The following SLC24A2 variants were observed in gnomAD, a reference collection of about 807,000 sequenced individuals.
SLC24A2 encodes sodium/potassium/calcium exchanger 2.
A neutral mutation model predicts 62.0 loss-of-function variants in SLC24A2; 36 were observed. The ratio of observed to expected loss-of-function variants is 0.58; its 90% CI spans 0.44 to 0.77. SLC24A2 has a LOEUF of 0.77. SLC24A2 is among the 30% of genes least tolerant of loss of function. The pLI is 0.00. For missense variants in SLC24A2, 846 were observed against 817.9 expected (o/e 1.03, Z -0.42); for synonymous variants, 358 against 294.0 (o/e 1.22, Z -2.23).
chr9:19,948,654 G>A, the SLC24A2 span, among the ~76,000 whole-genome samples: 1 of 151,624 alleles, frequency 6.6e-6, no homozygotes, highest in Non-Finnish European at 1.5e-5. Flanking sequence ...TCAGGAGATC[G>A]AGACCACGGT....
the SLC24A2 span, among the ~76,000 whole-genome samples, chr9:19,906,196 T>C: frequency 6.6e-6 from 1 of 151,998 alleles, no homozygotes; most frequent in African/African-American, 2.4e-5. Flanking sequence ...CTCAACTACA[T>C]GGAAACTGAA....
intron 8 of SLC24A2, among the ~76,000 whole-genome samples, chr9:19,533,418 C>A (rs528898604): frequency 7.9e-5 from 12 of 152,324 alleles, no homozygotes; most frequent in South Asian, 2.1e-4. Flanking sequence ...GAGGTGAGGT[C>A]TATTTTTCCA....
the SLC24A2 span, among the ~76,000 whole-genome samples, chr9:19,856,621 C>G: frequency 6.6e-6 from 1 of 152,108 alleles, no homozygotes; most frequent in East Asian, 1.9e-4. Context: ...GGAGGTGTCA[C>G]CAGTGGAGGC....
the SLC24A2 span, among the ~76,000 whole-genome samples, chr9:20,117,878 A>G: frequency 6.6e-6 from 1 of 152,172 alleles, no homozygotes. Context: ...AATTTTACAG[A>G]TGAAGAAAGA....
At chr9:19,890,533 T>C in the SLC24A2 span, among the ~76,000 whole-genome samples, 1 of 152,156 alleles carries the variant, frequency 6.6e-6, no homozygotes, top group Non-Finnish European at 1.5e-5. Context: ...GTCAGCATAT[T>C]TATTGGTTGG....
At chr9:19,622,605 T>G (rs958099134) in intron 2 of SLC24A2, among the ~76,000 whole-genome samples, 1 of 152,222 alleles carries the variant, frequency 6.6e-6, no homozygotes, top group East Asian at 1.9e-4. Context: ...TATGTGATCA[T>G]TAAAATGAAT....
At chr9:19,895,557 T>C in the SLC24A2 span, among the ~76,000 whole-genome samples, 1 of 151,578 alleles carries the variant, frequency 6.6e-6, no homozygotes, top group African/African-American at 2.4e-5. Flanking sequence ...TTTTTTTTTT[T>C]TTTTTTACAA....
chr9:20,009,318 G>A, the SLC24A2 span, among the ~76,000 whole-genome samples: 2 of 149,298 alleles, frequency 1.3e-5, no homozygotes, highest in Non-Finnish European at 3.0e-5. Flanking sequence ...CCAGAAGGCA[G>A]AGGTTTTAGT....
chr9:19,780,970 T>C (rs1333658207), intron 2 of SLC24A2, among the ~76,000 whole-genome samples: 1 of 148,624 alleles, frequency 6.7e-6, no homozygotes, highest in Non-Finnish European at 1.5e-5. Context: ...GAAAAAATTC[T>C]AAAAAGAAAC....
chr9:19,522,645 C>G (rs1419950066), intron 9 of SLC24A2, among the ~76,000 whole-genome samples: 1 of 152,136 alleles, frequency 6.6e-6, no homozygotes, highest in African/African-American at 2.4e-5. Flanking sequence ...ATCACTGCTC[C>G]CCATTAGTAA....
intron 2 of SLC24A2, among the ~76,000 whole-genome samples, chr9:19,683,321 G>A (rs1039783563): frequency 5.9e-5 from 9 of 152,162 alleles, no homozygotes; most frequent in African/African-American, 2.2e-4. Flanking sequence ...GAGTGCTACT[G>A]AAGCAAAGGG....
At chr9:20,225,920 C>A in the SLC24A2 span, among the ~76,000 whole-genome samples, 2 of 151,316 alleles carry the variant, frequency 1.3e-5, no homozygotes, top group Non-Finnish European at 2.9e-5. Context: ...TATGTACATA[C>A]ATAGGAAGGA....
At chr9:19,680,396 A>C (rs1317031643) in intron 2 of SLC24A2, among the ~76,000 whole-genome samples, 1 of 152,054 alleles carries the variant, frequency 6.6e-6, no homozygotes, top group African/African-American at 2.4e-5. Context: ...AGGCAAACCC[A>C]CTGCCCAAAG....
the SLC24A2 span, among the ~76,000 whole-genome samples, chr9:20,269,152 G>T: frequency 4.6e-3 from 704 of 152,262 alleles, 6 homozygotes; most frequent in African/African-American, 0.014. Flanking sequence ...CCCCACCTAA[G>T]TTGGTGTGCA....
At chr9:19,720,923 G>A (rs887885257) in intron 2 of SLC24A2, among the ~76,000 whole-genome samples, 8 of 148,602 alleles carry the variant, frequency 5.4e-5, no homozygotes, top group Non-Finnish European at 1.2e-4. Context: ...ATATTTCCTT[G>A]ATGTTAATAT....
At chr9:19,898,376 C>T in the SLC24A2 span, among the ~76,000 whole-genome samples, 3 of 152,340 alleles carry the variant, frequency 2.0e-5, no homozygotes, top group South Asian at 6.2e-4. Context: ...CATCCCATAA[C>T]ACTACCTTAC....
At chr9:20,253,619 A>G in the SLC24A2 span, among the ~76,000 whole-genome samples, 3 of 152,158 alleles carry the variant, frequency 2.0e-5, no homozygotes, top group African/African-American at 7.2e-5. Context: ...TTCAGAATCT[A>G]ATCTCTGGGG....
the SLC24A2 span, among the ~76,000 whole-genome samples, chr9:19,983,703 A>C: frequency 6.6e-6 from 1 of 152,218 alleles, no homozygotes; most frequent in Non-Finnish European, 1.5e-5. Flanking sequence ...CCTGAAAAAG[A>C]AATTAAGAAA....
the SLC24A2 span, among the ~76,000 whole-genome samples, chr9:19,981,718 T>C: frequency 6.6e-6 from 1 of 152,194 alleles, no homozygotes; most frequent in East Asian, 1.9e-4. Context: ...CTGCCCTATG[T>C]GTGTTTGTTC....
Sources: gnomAD v4.1 joint callset for allele counts (sites outside exome capture counted in the v4.1 genomes callset) on GRCh38, gnomAD v4.1.1 for gene constraint, MANE v1.5 for transcripts, NCBI Gene and HGNC (gene_info 2026-07-23, HGNC 2026-07-21) for gene names.